The following DNAH8 variants were observed in gnomAD, a reference collection of about 807,000 sequenced individuals.
The protein encoded by DNAH8 is dynein axonemal heavy chain 8.
DNAH8 carries 382 observed loss-of-function variants against 562.1 expected under a neutral mutation model. The ratio of observed to expected loss-of-function variants is 0.68; its 90% CI spans 0.63 to 0.74. The LOEUF is 0.74. DNAH8 is among the 30% of genes least tolerant of loss of function. The pLI is 0.00. For missense variants in DNAH8, 5,203 were observed against 5,620.4 expected, an observed-to-expected ratio of 0.93 and a Z score of 2.37; for synonymous variants, 1,881 against 1,919.4, an observed-to-expected ratio of 0.98 and a Z score of 0.52.
intron 33 of DNAH8, among the ~76,000 whole-genome samples, chr6:38,840,354 A>G (rs1173572204): frequency 6.6e-6 from 1 of 152,266 alleles, no homozygotes; most frequent in Non-Finnish European, 1.5e-5. Flanking sequence ...TTTCTAAATC[A>G]TCTATTTCCT....
At chr6:38,832,174 GGGTTATTAATATATTTTAT>G (rs1164927302) in intron 30 of DNAH8, 129 bp from the exon 31 acceptor site, 2 of 600,578 alleles carry the variant, frequency 3.3e-6, no homozygotes, top group Non-Finnish European at 3.0e-6. Flanking sequence ...AGGTTCATTT[GGGTTATTAATATATTTTAT>G]TACAAGCAAA....
intron 26 of DNAH8, among the ~76,000 whole-genome samples, chr6:38,821,248 A>G (rs1772808820): frequency 6.6e-6 from 1 of 152,226 alleles, no homozygotes; most frequent in African/African-American, 2.4e-5. Flanking sequence ...TTAATGCACA[A>G]AAGCAAGGAA....
intron 12 of DNAH8, among the ~76,000 whole-genome samples, chr6:38,771,086 GA>G (rs1269160630): frequency 1.3e-5 from 2 of 152,184 alleles, no homozygotes; most frequent in Non-Finnish European, 2.9e-5. Context: ...CCATATCAGA[GA>G]CTTCTTGGAG....
Position 38,807,703 on chromosome 6 carries a change from A to G in DNAH8, c.3244A>G (p.Ile1082Val). 1 of 1,520,894 alleles carries G rather than the reference A, an allele frequency of 6.6e-7. No individual in the cohort carries two copies. 94.2% of individuals were successfully genotyped at this position (1,520,894 alleles called of 1,614,324 possible). A position where few individuals can be genotyped will look rare whatever the true frequency, so the allele number is the denominator to read the frequency against. Residue 1082 changes from isoleucine to valine, a missense_variant, in exon 24 of 93, where the codon ATA becomes GTA. By Grantham distance (29) the Ile-to-Val change is conservative. This residue lies in a region of DNAH8 where 2,176 missense variants were observed against 2,365.1 expected (regional missense o/e 0.92). Coordinates refer to ENST00000327475, the MANE Select transcript of DNAH8 (RefSeq NM_001206927.2). ...RLSLDTMKRR[I>V]FVASLYGRKQ... ...ATCTCTGGACACAATGAAAAGAAGAATATTTGTTGCAAGGCAAGTTGAAAA... is the reference window on the plus strand; with the variant it reads ...ATCTCTGGACACAATGAAAAGAAGAGTATTTGTTGCAAGGCAAGTTGAAAA...
chr6:38,832,342 A>G lies in DNAH8; in HGVS notation c.4209A>G (p.Leu1403=). Residue 1403 remains leucine (L), a synonymous_variant, in exon 31 of 93, where the codon CTA becomes CTG. Transcript: ENST00000327475. ...TGTAGGTTTCAGTACAAGAGGACCT[A>G]GTTCAAGTGCAGCCAAAGTTTAAAA... ...QSKAVSVQED[L]VQVQPKFKSN... 2 of 1,612,430 alleles carry G rather than the reference A, an allele frequency of 1.2e-6. No individual in the cohort carries two copies. The highest frequency in any genetic ancestry group is 1.7e-6 in the Non-Finnish European group (2 of 1,178,542).
chr6:38,873,067 A>G lies in DNAH8; in HGVS notation c.7399A>G (p.Asn2467Asp), dbSNP rs1777594168. 1 of 1,613,946 alleles carries G rather than the reference A, an allele frequency of 6.2e-7. No homozygotes were observed. The change falls in exon 51 of 93, where the codon AAC becomes GAC. Residue 2467 changes from asparagine to aspartate, a missense_variant. Physicochemically the swap from Asn to Asp is conservative, Grantham distance 23. Transcript: ENST00000327475. ...KLLFEVHNIE[N>D]ASPATVSRMG... ...TCTGTTTGAAGTCCACAATATCGAG[A>G]ACGCCTCTCCTGCCACGGTTTCTAG... is the stretch of plus-strand genomic sequence containing the variant.
intron 21 of DNAH8, among the ~76,000 whole-genome samples, chr6:38,795,561 C>T (rs1183330201): frequency 6.9e-6 from 1 of 144,806 alleles, no homozygotes; most frequent in African/African-American, 2.6e-5. Context: ...GCCTGGGCGA[C>T]AGAGCGAGAC....
In DNAH8 at chr6:38,984,254, G is replaced by A; in HGVS notation, c.13000G>A (p.Gly4334Arg). ...GTACATGATCGGAGAAGTACAATAT[G>A]GAGGCAGAGTGACAGATGACTTTGA... ...VRYMIGEVQY[G>R]GRVTDDFDKR... Residue 4334 changes from glycine (G) to arginine (R), a missense_variant, in exon 87 of 93, where the codon GGA becomes AGA. Transcript: ENST00000327475. The A allele has an allele frequency of 1.2e-6, 2 of 1,610,746 alleles. No individual in the cohort carries two copies. The highest frequency in any genetic ancestry group is 2.2e-5 in the East Asian group (1 of 44,856).
chr6:38,874,099 TTTCTCCTTCCTTCCTTCCTCCTTC>T lies in DNAH8; in HGVS notation c.7620+725_7620+748del, dbSNP rs1561797681. Among the ~76,000 whole-genome samples the T allele has an allele frequency of 1.2e-3, 143 of 118,296 alleles. 4 individuals carry two copies. The highest frequency in any genetic ancestry group is 4.1e-3 in the African/African-American group (130 of 31,566). The allele number at this position is 118,296 out of a possible 152,430, so 77.6% of individuals were successfully genotyped here. ...TTCTTTCTTTCTTTCTTTCTTTCTCTTTCTCCTTCCTTCCTTCCTCCTTCTCTCTTTCTTTCTTTCTCTTTCTCC... is the reference window on the plus strand; with the variant it reads ...TTCTTTCTTTCTTTCTTTCTTTCTCTTCTCTTTCTTTCTTTCTCTTTCTCC... On this transcript the variant is annotated intron_variant, in intron 52 of 92. Transcript: ENST00000327475.
At chr6:38,950,128 T>G (rs1178688544) in intron 81 of DNAH8, among the ~76,000 whole-genome samples, 1 of 151,760 alleles carries the variant, frequency 6.6e-6, no homozygotes, top group African/African-American at 2.4e-5. Context: ...CTGTTTACAT[T>G]TTCTCAGTAT....
intron 4 of DNAH8, among the ~76,000 whole-genome samples, chr6:38,733,268 A>T (rs1256016719): frequency 2.3e-5 from 2 of 88,302 alleles, no homozygotes; most frequent in Admixed American, 1.0e-4. Flanking sequence ...GCAAATTAAT[A>T]TTGTGACCAA....
At chr6:38,836,288 G>A (rs949950765) in intron 32 of DNAH8, among the ~76,000 whole-genome samples, 1 of 151,816 alleles carries the variant, frequency 6.6e-6, no homozygotes, top group East Asian at 1.9e-4. Flanking sequence ...CCAGGGGTGT[G>A]GTTGCTAATG....
intron 89 of DNAH8, among the ~76,000 whole-genome samples, chr6:39,009,589 C>G (rs980594436): frequency 6.6e-6 from 1 of 152,172 alleles, no homozygotes; most frequent in Non-Finnish European, 1.5e-5. Flanking sequence ...GCACTCATTA[C>G]AAGCCAGACA....
intron 61 of DNAH8, among the ~76,000 whole-genome samples, chr6:38,898,888 TC>T (rs1779884698): frequency 6.6e-6 from 1 of 152,120 alleles, no homozygotes; most frequent in Non-Finnish European, 1.5e-5. Flanking sequence ...ACTAATCTAT[TC>T]AACAAGTAAT....
chr6:38,994,649 C>CTTTTTTTTTT (rs5875650), intron 88 of DNAH8, among the ~76,000 whole-genome samples: 4 of 119,736 alleles, frequency 3.3e-5, no homozygotes, highest in African/African-American at 6.1e-5. Flanking sequence ...CTTTTTTTTT[C>CTTTTTTTTTT]TTTTTTTTTT....
At chr6:38,835,363 A>G (rs1288271498) in intron 32 of DNAH8, among the ~76,000 whole-genome samples, 1 of 151,592 alleles carries the variant, frequency 6.6e-6, no homozygotes, top group Non-Finnish European at 1.5e-5. Flanking sequence ...TGGCTTGCTC[A>G]GGAGAAATTT....
chr6:38,798,186 T>A (rs1443147614), intron 21 of DNAH8, among the ~76,000 whole-genome samples: 2 of 152,166 alleles, frequency 1.3e-5, no homozygotes, highest in African/African-American at 4.8e-5. Context: ...GGATGCTTTC[T>A]GAGGTGATGA....
chr6:38,734,357 T>A, intron 4 of DNAH8, 117 bp from the exon 5 acceptor site: 1 of 967,070 alleles, frequency 1.0e-6, no homozygotes, highest in Non-Finnish European at 1.4e-6. Context: ...TCTATGACCG[T>A]ATTGAAAACT....
At chr6:38,807,450 G>A (rs1222255875) in intron 23 of DNAH8, among the ~76,000 whole-genome samples, 160 bp from the exon 24 acceptor site, 4 of 152,176 alleles carry the variant, frequency 2.6e-5, no homozygotes. Context: ...AAACAGACAA[G>A]TAATTTAGGA....
Sources: gnomAD v4.1 joint callset for allele counts (sites outside exome capture counted in the v4.1 genomes callset) on GRCh38, gnomAD v4.1.1 for gene constraint, gnomAD v4.1.1 regional missense constraint, MANE v1.5 for transcripts, NCBI Gene and HGNC (gene_info 2026-07-23, HGNC 2026-07-21) for gene names.